Variants in RANBP2 observed in about 807,000 individuals in gnomAD.
The protein encoded by RANBP2 is E3 SUMO-protein ligase RanBP2.
In RANBP2, 57 loss-of-function variants were observed where a neutral mutation model predicts 303.6. That is an observed-to-expected ratio of 0.19 (90% CI 0.15 to 0.23). The LOEUF (loss-of-function observed/expected upper bound fraction) is 0.23, where lower values mean the gene tolerates loss of function less well. Among genes scored for constraint, RANBP2 ranks in the 10% least tolerant of loss-of-function variants. The pLI is 1.00. For missense variants in RANBP2, 3,138 were observed against 3,780.8 expected (o/e 0.83, Z 4.46); for synonymous variants, 1,167 against 1,301.5 (o/e 0.90, Z 2.23).
the RANBP2 span, among the ~76,000 whole-genome samples, chr2:109,236,801 C>T: frequency 6.6e-6 from 1 of 152,160 alleles, no homozygotes; most frequent in Non-Finnish European, 1.5e-5. Flanking sequence ...CAGGAAACAG[C>T]CTATACATTT....
chr2:109,524,471 AC>A, the RANBP2 span, among the ~76,000 whole-genome samples: 21 of 122,834 alleles, frequency 1.7e-4, no homozygotes, highest in African/African-American at 8.0e-4. Context: ...AAAAAACAAA[AC>A]AACACTGGGC....
chr2:108,921,821 C>T, the RANBP2 span, among the ~76,000 whole-genome samples: 6 of 152,346 alleles, frequency 3.9e-5, no homozygotes, highest in South Asian at 4.1e-4. Context: ...ATGGGCAAGC[C>T]GAGGTCTGGG....
the RANBP2 span, among the ~76,000 whole-genome samples, chr2:108,981,298 C>A: frequency 1.3e-5 from 2 of 152,206 alleles, no homozygotes; most frequent in African/African-American, 4.8e-5. Context: ...CAGAGCCGCA[C>A]CCGCCCCAGG....
chr2:108,912,853 T>C, the RANBP2 span: 1 of 1,116,686 alleles, frequency 9.0e-7, no homozygotes, highest in Non-Finnish European at 1.3e-6. Context: ...GGATTCATGA[T>C]CATGAATGGG....
the RANBP2 span, among the ~76,000 whole-genome samples, chr2:109,653,442 G>T: frequency 6.6e-6 from 1 of 151,248 alleles, no homozygotes; most frequent in Non-Finnish European, 1.5e-5. Context: ...CTCCTGTCAT[G>T]CATGACAGGC....
At chr2:109,152,167 G>A in the RANBP2 span, among the ~76,000 whole-genome samples, 1 of 152,214 alleles carries the variant, frequency 6.6e-6, no homozygotes, top group South Asian at 2.1e-4. Flanking sequence ...TTTCTTCCTA[G>A]GAAAAGTGCT....
the RANBP2 span, among the ~76,000 whole-genome samples, chr2:109,500,929 G>A: frequency 2.0e-5 from 3 of 152,158 alleles, no homozygotes; most frequent in Admixed American, 1.3e-4. Flanking sequence ...CAGCCTGGGT[G>A]GAAGAGCAAG....
chr2:109,020,291 G>A, the RANBP2 span, among the ~76,000 whole-genome samples: 11 of 152,138 alleles, frequency 7.2e-5, no homozygotes, highest in African/African-American at 2.7e-4. Context: ...ATTAAAGGGA[G>A]CTCAAAGACA....
chr2:108,759,354 G>A (rs951458298), intron 18 of RANBP2, among the ~76,000 whole-genome samples: 3 of 152,126 alleles, frequency 2.0e-5, no homozygotes, highest in Non-Finnish European at 4.4e-5. Context: ...GTTATTGATA[G>A]AGCTGAGATT....
the RANBP2 span, among the ~76,000 whole-genome samples, chr2:109,245,641 A>G: frequency 1.3e-5 from 2 of 152,212 alleles, no homozygotes; most frequent in South Asian, 2.1e-4. Context: ...ACGAGTTTTC[A>G]TATTTGCTTC....
the RANBP2 span, among the ~76,000 whole-genome samples, chr2:109,726,750 G>A: frequency 6.6e-6 from 1 of 152,198 alleles, no homozygotes; most frequent in Non-Finnish European, 1.5e-5. Flanking sequence ...TCTGGAGAGT[G>A]GGGAGCCACA....
At chr2:109,086,845 C>T in the RANBP2 span, among the ~76,000 whole-genome samples, 310 of 152,284 alleles carry the variant, frequency 2.0e-3, 2 homozygotes, top group African/African-American at 7.2e-3. Context: ...CAGTGCCTCC[C>T]CAAGCCCACA....
the RANBP2 span, among the ~76,000 whole-genome samples, chr2:108,956,016 A>G: frequency 6.6e-6 from 1 of 152,168 alleles, no homozygotes; most frequent in South Asian, 2.1e-4. Context: ...GCAACAGGGC[A>G]AGACTCTGTC....
the RANBP2 span, among the ~76,000 whole-genome samples, chr2:109,360,260 A>T: frequency 6.6e-6 from 1 of 152,194 alleles, no homozygotes; most frequent in Non-Finnish European, 1.5e-5. Context: ...CATATTTTTT[A>T]CTGCTAAATA....
At chr2:108,757,371 C>T (rs1222399933) in intron 17 of RANBP2, among the ~76,000 whole-genome samples, 1 of 152,158 alleles carries the variant, frequency 6.6e-6, no homozygotes, top group Non-Finnish European at 1.5e-5. Context: ...GTTAAGAAAA[C>T]ATTTTTGGAG....
At chr2:108,885,570 C>T in the RANBP2 span, 1 of 152,116 alleles carries the variant, frequency 6.6e-6, no homozygotes, top group African/African-American at 2.4e-5. Context: ...CTATGGGATA[C>T]ATGAGAAATT....
At chr2:109,648,742 C>T in the RANBP2 span, among the ~76,000 whole-genome samples, 3 of 151,778 alleles carry the variant, frequency 2.0e-5, no homozygotes, top group African/African-American at 4.8e-5. Context: ...CAACCCCTGC[C>T]GCCTGGGTTC....
the RANBP2 span, among the ~76,000 whole-genome samples, chr2:109,374,912 T>C: frequency 6.6e-6 from 1 of 152,078 alleles, no homozygotes; most frequent in Non-Finnish European, 1.5e-5. Context: ...TAAACGAGAG[T>C]GTGCCCTGCA....
the RANBP2 span, among the ~76,000 whole-genome samples, chr2:108,797,336 A>C: frequency 1.3e-5 from 2 of 152,198 alleles, no homozygotes; most frequent in African/African-American, 4.8e-5. Context: ...AGAGCATTTT[A>C]AGTTGGAGGA....
Sources: allele counts gnomAD v4.1 joint callset (sites outside exome capture counted in the v4.1 genomes callset), GRCh38; gene constraint gnomAD v4.1.1; transcripts MANE v1.5; gene names NCBI Gene and HGNC (gene_info 2026-07-23, HGNC 2026-07-21).